The following KIF26B variants were observed in gnomAD, a reference collection of about 807,000 sequenced individuals.
The protein encoded by KIF26B is kinesin family member 26B, also known as kinesin-like protein KIF26B.
KIF26B carries 63 observed loss-of-function variants against 151.2 expected under a neutral mutation model. The observed-to-expected ratio is 0.42, with a 90% CI of 0.34 to 0.51. The LOEUF is 0.51. Ranked by LOEUF, KIF26B falls within the 20% of genes least tolerant of loss-of-function variation. The pLI, the probability that KIF26B is intolerant of heterozygous loss-of-function variation, is 0.07. For synonymous variants in KIF26B, 1,357 were observed against 1,262.1 expected, an observed-to-expected ratio of 1.08 and a Z score of -1.59; for missense variants, 2,813 against 2,913.6, an observed-to-expected ratio of 0.97 and a Z score of 0.79.
intron 4 of KIF26B, among the ~76,000 whole-genome samples, chr1:245,440,555 A>G (rs1481457929): frequency 6.6e-6 from 1 of 152,132 alleles, no homozygotes; most frequent in East Asian, 1.9e-4. Flanking sequence ...AAGCTATTAG[A>G]CAAAGCCAGG....
chr1:245,181,027 A>T (rs1668897157), intron 2 of KIF26B, among the ~76,000 whole-genome samples: 2 of 152,142 alleles, frequency 1.3e-5, no homozygotes, highest in South Asian at 2.1e-4. Flanking sequence ...CCTGTCAGAC[A>T]TTGAGAGGCC....
intron 2 of KIF26B, among the ~76,000 whole-genome samples, chr1:245,219,475 G>A (rs1669719246): frequency 1.3e-5 from 2 of 152,176 alleles, no homozygotes; most frequent in Non-Finnish European, 2.9e-5. Flanking sequence ...GCTCATGCCT[G>A]TAATCCCAGC....
intron 2 of KIF26B, among the ~76,000 whole-genome samples, chr1:245,225,453 G>A (rs558107041): frequency 6.6e-6 from 1 of 152,370 alleles, no homozygotes; most frequent in South Asian, 2.1e-4. Context: ...GCCCTCTGCA[G>A]GAGGGCTGAT....
intron 2 of KIF26B, among the ~76,000 whole-genome samples, chr1:245,351,863 TA>T (rs140310856): frequency 0.056 from 8,466 of 152,338 alleles, 362 homozygotes; most frequent in African/African-American, 0.12. Context: ...TGTTTGTTTC[TA>T]GCACTTACAA....
intron 2 of KIF26B, among the ~76,000 whole-genome samples, chr1:245,185,963 C>G (rs1243198665): frequency 1.3e-5 from 2 of 152,132 alleles, no homozygotes; most frequent in Admixed American, 6.5e-5. Flanking sequence ...CAACCTCCGC[C>G]TCCCGGATTC....
Position 245,687,683 on chromosome 1 carries a change from C to T in KIF26B, c.4700C>T (p.Ala1567Val), listed in dbSNP as rs763980355. Residue 1567 changes from alanine (A) to valine (V), a missense_variant, in exon 12 of 15, where the codon GCC becomes GTC. By Grantham distance (64) the Ala-to-Val change is moderately conservative. Transcript: ENST00000407071. This position sits in a 1 kb window ranked among gnomAD's most constrained non-coding sequence, Gnocchi z 4.9. ...GCTGAGACCAACGGGGTGGGTGCAG[C>T]CTCGGGCACCCCGCCCTCCAAGGCT... ...CAAETNGVGAASGTPPSKATL... is the reference protein window; with the variant it reads ...CAAETNGVGAVSGTPPSKATL... 5.1e-6 allele frequency: 8 copies of T among 1,580,174 alleles called. No homozygotes were observed. The South Asian group carries it at 9.3e-5, about 18-fold the overall frequency.
intron 3 of KIF26B, among the ~76,000 whole-genome samples, chr1:245,382,211 C>A (rs1673428215): frequency 6.6e-6 from 1 of 152,162 alleles, no homozygotes; most frequent in Admixed American, 6.5e-5. Flanking sequence ...CCAATTTCTC[C>A]ATACCCTCCC....
At chr1:245,264,348 G>A (rs1273504920) in intron 2 of KIF26B, among the ~76,000 whole-genome samples, 2 of 152,186 alleles carry the variant, frequency 1.3e-5, no homozygotes, top group Non-Finnish European at 2.9e-5. Context: ...TAGAGTGAAT[G>A]TTCACTAATG....
chr1:245,177,664 G>GT (rs1668833369), intron 2 of KIF26B, among the ~76,000 whole-genome samples: 1 of 119,772 alleles, frequency 8.3e-6, no homozygotes, highest in Non-Finnish European at 1.7e-5. Flanking sequence ...TTGTCCTTAG[G>GT]GGTGTGTGTG....
intron 4 of KIF26B, among the ~76,000 whole-genome samples, chr1:245,492,614 A>G (rs531772848): frequency 1.4e-4 from 21 of 152,346 alleles, no homozygotes; most frequent in Admixed American, 1.2e-3. Flanking sequence ...TTTTGCATCA[A>G]TTTGTGACCA....
intron 2 of KIF26B, among the ~76,000 whole-genome samples, chr1:245,173,685 C>G (rs1333295831): frequency 1.3e-5 from 2 of 152,216 alleles, no homozygotes; most frequent in Non-Finnish European, 2.9e-5. Flanking sequence ...ACTGCAGTCC[C>G]TTGGAGGGAA....
chr1:245,211,260 C>T (rs547405128), intron 2 of KIF26B, among the ~76,000 whole-genome samples: 59 of 152,300 alleles, frequency 3.9e-4, no homozygotes, highest in African/African-American at 1.3e-3. Flanking sequence ...GAGGCTCTCC[C>T]AGTTAGTCAT....
chr1:245,190,689 T>G (rs1669090282), intron 2 of KIF26B, among the ~76,000 whole-genome samples: 1 of 147,550 alleles, frequency 6.8e-6, no homozygotes, highest in Non-Finnish European at 1.5e-5. Flanking sequence ...AATCTCAGCA[T>G]TCTTATAAAA....
Position 245,685,447 on chromosome 1 carries a change from G to A in KIF26B, c.2464G>A (p.Gly822Ser), listed in dbSNP as rs771346568. 1.1e-5 allele frequency: 17 copies of A among 1,613,468 alleles called. No homozygotes were observed. In the South Asian group the frequency reaches 1.6e-4, roughly 16 times the overall value. The change falls in exon 12 of 15, where the codon GGC (glycine) becomes AGC (serine). Residue 822 changes from glycine to serine, a missense_variant. Physicochemically the swap from Gly to Ser is moderately conservative, Grantham distance 56. This residue lies in a region of KIF26B where 2,060 missense variants were observed against 2,088.6 expected (regional missense o/e 0.99). Transcript: ENST00000407071. ...CGGCGGGGAGAGCTCCTGCGAAGAA[G>A]GCCGCATGCGCAGGCCCACCCAGCT... is the stretch of plus-strand genomic sequence containing the variant. ...SSGGESSCEE[G>S]RMRRPTQLRP... is the part of the protein sequence containing the mutation.
rs79370931 is a variant in KIF26B, at chr1:245,358,574, A to C, written c.466-8260A>C. Among the ~76,000 whole-genome samples, 1,387 of 152,344 alleles carry C rather than the reference A, an allele frequency of 9.1e-3. 21 individuals carry two copies. Among genetic ancestry groups the C allele is most frequent in the East Asian group, 0.04 (206 of 5,178 alleles). ...AAGTACATTTATGCAGCATTTCATG[A>C]ATATGAAGTCAATTAAAAGAAAAAG... On this transcript the variant is annotated intron_variant, in intron 2 of 14. Transcript: ENST00000407071. The surrounding 1 kb of genome is among the most constrained non-coding windows in gnomAD (Gnocchi z 4.1).
At chr1:245,676,528 T>C (rs2044359005) in intron 10 of KIF26B, 1 of 152,256 alleles carries the variant, frequency 6.6e-6, no homozygotes, top group Non-Finnish European at 1.5e-5. Context: ...AAGATTCTAT[T>C]GAGACTGTTT....
At chr1:245,201,068 G>A (rs1669292943) in intron 2 of KIF26B, among the ~76,000 whole-genome samples, 1 of 152,186 alleles carries the variant, frequency 6.6e-6, no homozygotes, top group Admixed American at 6.5e-5. Flanking sequence ...CAAGACAGCT[G>A]AAGACGACAG....
intron 4 of KIF26B, among the ~76,000 whole-genome samples, chr1:245,537,775 A>T (rs541743217): frequency 6.6e-6 from 1 of 152,220 alleles, no homozygotes; most frequent in African/African-American, 2.4e-5. Context: ...CTTCAGTTTT[A>T]GGGTTGGCAA....
rs1021320713 is a variant in KIF26B at position 245,244,569 on chromosome 1, A to G, written c.465+87886A>G. ...GAGCCAGGCCCAGAAAATGAGGGGG[A>G]CATTTACGTCATGGAACACAGAGGA... On this transcript the variant is annotated intron_variant, in intron 2 of 14. Transcript: ENST00000407071. The surrounding 1 kb of genome is among the most constrained non-coding windows in gnomAD (Gnocchi z 4.2). Among the ~76,000 whole-genome samples, 30 of 152,082 alleles carry G rather than the reference A, an allele frequency of 2.0e-4. No homozygotes were observed. The highest frequency in any genetic ancestry group is 7.2e-4 in the African/African-American group (30 of 41,494).
Sources: allele counts gnomAD v4.1 joint callset (sites outside exome capture counted in the v4.1 genomes callset), GRCh38; gene constraint gnomAD v4.1.1; regional missense constraint gnomAD v4.1.1; non-coding constraint Gnocchi (gnomAD v3.1); transcripts MANE v1.5; gene names NCBI Gene and HGNC (gene_info 2026-07-23, HGNC 2026-07-21).